Variants in TBC1D22B observed in about 807,000 individuals in gnomAD.
TBC1D22B encodes TBC1 domain family member 22B.
TBC1D22B carries 32 observed loss-of-function variants against 69.1 expected under a neutral mutation model. That is an observed-to-expected ratio of 0.46 (90% CI 0.35 to 0.62). The LOEUF is 0.62. Among genes scored for constraint, TBC1D22B ranks in the 20% least tolerant of loss-of-function variants. TBC1D22B has a pLI of 0.00. For missense variants in TBC1D22B, 462 were observed against 630.9 expected (o/e 0.73, Z 2.87); for synonymous variants, 206 against 229.8 (o/e 0.90, Z 0.94).
rs151253221 is a variant in TBC1D22B, at chr6:37,314,029, C to T, written c.1165+138C>T. On this transcript the variant is annotated intron_variant, in intron 10 of 12. Transcript: ENST00000373491. ...GCGCACTGAGTGCTGCTGGCAGCAC[C>T]GGGATCCTTCCACATCTCAGCAGGA... is the stretch of plus-strand genomic sequence containing the variant. 9.0e-4 allele frequency: 673 copies of T among 746,850 alleles called. 5 individuals are homozygous for T. In the African/African-American group the frequency reaches 9.3e-3, roughly 10 times the overall value. The allele number at this position is 746,850 out of a possible 1,614,324, so 46.3% of individuals were successfully genotyped here. A position where few individuals can be genotyped will look rare whatever the true frequency, so the allele number is the denominator to read the frequency against.
At position 37,284,194 on chromosome 6, in the gene TBC1D22B, T is replaced by C. The variant is rs952974334; in HGVS notation, c.673-142T>C. On this transcript the variant is annotated intron_variant, in intron 5 of 12. Transcript: ENST00000373491. The stretch of plus-strand genomic sequence containing the variant: ...CATTGAATGAGGAGAGGGCAAAAAA[T>C]GGGTGGCCAGAACCAAAAAGGGATT... 2.1e-5 allele frequency: 26 copies of C among 1,266,398 alleles called. No individual in the cohort carries two copies. The African/African-American group carries it at 3.6e-4, about 17-fold the overall frequency. 78.4% of individuals were successfully genotyped at this position (1,266,398 alleles called of 1,614,324 possible).
At chr6:37,275,337 AT>A (rs1027813405) in intron 2 of TBC1D22B, among the ~76,000 whole-genome samples, 61 of 148,448 alleles carry the variant, frequency 4.1e-4, no homozygotes, top group African/African-American at 1.1e-3. Flanking sequence ...ACAAGTTGAG[AT>A]TTTTTTTTTT....
chr6:37,259,060 G>A (rs1765968572), intron 1 of TBC1D22B, among the ~76,000 whole-genome samples: 1 of 143,402 alleles, frequency 7.0e-6, no homozygotes. Context: ...GTCTGACTGT[G>A]TTGCCAGGGC....
At chr6:37,328,591 A>T (rs1007804976) in intron 12 of TBC1D22B, among the ~76,000 whole-genome samples, 3 of 152,246 alleles carry the variant, frequency 2.0e-5, no homozygotes, top group African/African-American at 7.2e-5. Flanking sequence ...TGTTGCATAG[A>T]TTCAAAATTA....
intron 1 of TBC1D22B, among the ~76,000 whole-genome samples, chr6:37,269,201 A>G (rs113570494): frequency 4.5e-4 from 69 of 152,278 alleles, no homozygotes; most frequent in African/African-American, 1.4e-3. Context: ...GAGCCTTTCA[A>G]TTAGGCAATA....
chr6:37,327,264 G>T (rs1768439522), intron 12 of TBC1D22B, among the ~76,000 whole-genome samples: 1 of 96,970 alleles, frequency 1.0e-5, no homozygotes, highest in Non-Finnish European at 2.0e-5. Flanking sequence ...GGATCACGAG[G>T]TCAGGAGATC....
Position 37,332,296 on chromosome 6 carries a change from C to CATCT in TBC1D22B, c.*1125_*1128dup, listed in dbSNP as rs1485464239. On this transcript the variant is annotated 3_prime_UTR_variant, in exon 13 of 13. Coordinates refer to ENST00000373491, the MANE Select transcript of TBC1D22B (RefSeq NM_017772.4). ...CCCCAACCCCCAGACTTTCCTGGAG[C>CATCT]ATCTGCCCTTTGCTCCTAGCAGCCT... 6.6e-6 allele frequency: 1 copy of CATCT among 152,536 alleles called. No individual in the cohort carries two copies. Among genetic ancestry groups the CATCT allele is most frequent in the Non-Finnish European group, 1.5e-5 (1 of 68,036 alleles). The allele number at this position is 152,536 out of a possible 1,614,324, so 9.4% of individuals were successfully genotyped here.
At chr6:37,291,168 G>A in intron 7 of TBC1D22B, 75 bp from the exon 8 acceptor site, 1 of 1,034,750 alleles carries the variant, frequency 9.7e-7, no homozygotes, top group Non-Finnish European at 1.5e-6. Context: ...GGTAAATTGT[G>A]AAGTAGGTAA....
Position 37,279,558 on chromosome 6 carries a change from C to G in TBC1D22B, c.368C>G (p.Ala123Gly). Reference sequence around the variant, plus strand: ...CAGTCAACGACATCGGACGTCCCTGCCAACTACAAGGTCATAAAGTCCAGC... The same window carrying G: ...CAGTCAACGACATCGGACGTCCCTGGCAACTACAAGGTCATAAAGTCCAGC... ...RSQSTTSDVPANYKVIKSSSD... is the reference protein window; with the variant it reads ...RSQSTTSDVPGNYKVIKSSSD... Residue 123 changes from alanine to glycine, a missense_variant, in exon 3 of 13, where the codon GCC becomes GGC. Around this residue, in one of 2 missense-constraint regions of TBC1D22B, gnomAD observed 237 missense variants for 255.4 expected, o/e 0.93. Transcript: ENST00000373491. The G allele has an allele frequency of 1.2e-6, 2 of 1,614,194 alleles. No homozygotes were observed. The highest frequency in any genetic ancestry group is 1.7e-6 in the Non-Finnish European group (2 of 1,180,012).
chr6:37,271,355 C>T (rs543787392), intron 2 of TBC1D22B, among the ~76,000 whole-genome samples: 142 of 152,184 alleles, frequency 9.3e-4, no homozygotes, highest in African/African-American at 3.3e-3. Context: ...ACGGTGGATA[C>T]GTGTCATTAT....
At chr6:37,323,927 G>A (rs1316835433) in intron 12 of TBC1D22B, among the ~76,000 whole-genome samples, 1 of 152,180 alleles carries the variant, frequency 6.6e-6, no homozygotes, top group Non-Finnish European at 1.5e-5. Flanking sequence ...AGCTTTCTTT[G>A]AGAGGAAACT....
At chr6:37,317,291 G>A (rs1768111524) in intron 12 of TBC1D22B, 85 bp downstream of exon 12, 2 of 1,323,068 alleles carry the variant, frequency 1.5e-6, no homozygotes, top group Non-Finnish European at 1.1e-6. Flanking sequence ...GACAGAAGGT[G>A]CCATAGCAGG....
rs1766762080 is a variant in TBC1D22B, at chr6:37,279,542, A to T, written c.352A>T (p.Thr118Ser). 3 of 1,614,250 alleles carry T rather than the reference A, an allele frequency of 1.9e-6. No homozygotes were observed. Among genetic ancestry groups the T allele is most frequent in the Non-Finnish European group, 2.5e-6 (3 of 1,180,034 alleles). Residue 118 changes from threonine to serine, a missense_variant, in exon 3 of 13, where the codon ACA becomes TCA. Thr to Ser is a moderately conservative substitution (Grantham distance 58, BLOSUM62 1). This residue lies in a region of TBC1D22B where 237 missense variants were observed against 255.4 expected (regional missense o/e 0.93). Transcript: ENST00000373491. ...RVKPERSQST[T>S]SDVPANYKVI... ...AAAACCAGAACGGTCCCAGTCAACGACATCGGACGTCCCTGCCAACTACAA... is the reference window on the plus strand; with the variant it reads ...AAAACCAGAACGGTCCCAGTCAACGTCATCGGACGTCCCTGCCAACTACAA...
chr6:37,331,061 A>G lies in TBC1D22B; in HGVS notation c.1407A>G (p.Leu469=), dbSNP rs760390827. The G allele has an allele frequency of 1.9e-6, 3 of 1,614,026 alleles. No individual in the cohort carries two copies. The highest frequency in any genetic ancestry group is 3.3e-5 in the Admixed American group (2 of 60,004). The change falls in exon 13 of 13, where the codon CTA becomes CTG. Residue 469 remains leucine, a synonymous_variant. Coordinates refer to ENST00000373491, the MANE Select transcript of TBC1D22B (RefSeq NM_017772.4). ...CATTCCAGGGTCTCCTCATGCTGCT[A>G]CAGAACCTACCTACAATACACTGGG... ...EEDFQGLLML[L]QNLPTIHWGN... is the part of the protein sequence containing the mutation.
At chr6:37,258,119 T>C in intron 1 of TBC1D22B, 146 bp downstream of exon 1, 1 of 904,394 alleles carries the variant, frequency 1.1e-6, no homozygotes, top group South Asian at 1.9e-5. Context: ...AGGGCAGCTG[T>C]CAGGCAGCGA....
chr6:37,276,715 G>A (rs565150314), intron 2 of TBC1D22B, among the ~76,000 whole-genome samples: 3 of 152,170 alleles, frequency 2.0e-5, no homozygotes, highest in Admixed American at 6.5e-5. Context: ...CAGATCACCT[G>A]AGGTCAAGAA....
At position 37,316,849 on chromosome 6, in the gene TBC1D22B, CCT is replaced by C. The variant is rs1380339512; in HGVS notation, c.1293+24_1293+25del. On this transcript the variant is annotated intron_variant, in intron 11 of 12. Transcript: ENST00000373491. ...ATATCAGGTAGGAGGGATTCCCCGG[CCT>C]CTCTGTGCCAGGCTGTCTCTGAGGT... The C allele has an allele frequency of 1.2e-6, 2 of 1,613,854 alleles. No homozygotes were observed. Among genetic ancestry groups the C allele is most frequent in the East Asian group, 4.5e-5 (2 of 44,878 alleles).
At chr6:37,305,139 G>T (rs747088731) in intron 8 of TBC1D22B, among the ~76,000 whole-genome samples, 126 of 152,270 alleles carry the variant, frequency 8.3e-4, no homozygotes, top group Admixed American at 4.5e-3. Flanking sequence ...CGCCCCCCAC[G>T]CTCAGTCCTG....
chr6:37,292,852 G>C (rs565542256), intron 8 of TBC1D22B, among the ~76,000 whole-genome samples: 1 of 152,134 alleles, frequency 6.6e-6, no homozygotes, highest in Non-Finnish European at 1.5e-5. Flanking sequence ...ATCAAGCAGT[G>C]TGCCTTCCTG....
Sources: gnomAD v4.1 joint callset for allele counts (sites outside exome capture counted in the v4.1 genomes callset) on GRCh38, gnomAD v4.1.1 for gene constraint, gnomAD v4.1.1 regional missense constraint, MANE v1.5 for transcripts, NCBI Gene and HGNC (gene_info 2026-07-23, HGNC 2026-07-21) for gene names.